Variants in TCF4 observed in about 807,000 individuals in gnomAD.
The protein encoded by TCF4 is SL3-3 enhancer factor 2.
A neutral mutation model predicts 82.1 loss-of-function variants in TCF4; 3 were observed. The observed-to-expected ratio is 0.04, with a 90% confidence interval of 0.02 to 0.09. The LOEUF (loss-of-function observed/expected upper bound fraction) is 0.09. Among genes scored for constraint, TCF4 ranks in the 10% least tolerant of loss-of-function variants. The pLI is 1.00. For synonymous variants in TCF4, 276 were observed against 309.6 expected, an observed-to-expected ratio of 0.89 and a Z score of 1.14; for missense variants, 518 against 852.7, an observed-to-expected ratio of 0.61 and a Z score of 4.89.
intron 2 of TCF4, chr18:55,631,225 T>A (rs2097731301): frequency 3.1e-6 from 2 of 641,290 alleles, no homozygotes; most frequent in Admixed American, 5.1e-5. Flanking sequence ...AATTTCTGTG[T>A]TTTTAGTAGA....
upstream of TCF4, chr18:55,588,606 C>T: frequency 6.7e-7 from 1 of 1,502,596 alleles, no homozygotes; most frequent in Non-Finnish European, 8.9e-7. Context: ...ACTCTCGTTC[C>T]CTCTCACTCA....
intron 2 of TCF4, among the ~76,000 whole-genome samples, chr18:55,615,768 T>TA (rs2097711153): frequency 6.6e-6 from 1 of 152,146 alleles, no homozygotes; most frequent in Non-Finnish European, 1.5e-5. Flanking sequence ...GAATTTTCTT[T>TA]AAAATTTTGG....
intron 1 of TCF4, among the ~76,000 whole-genome samples, chr18:55,634,489 G>A (rs564706201): frequency 6.6e-6 from 1 of 152,054 alleles, no homozygotes; most frequent in African/African-American, 2.4e-5. Flanking sequence ...AAATCTGTCT[G>A]ATTCAAAGTT....
intron 2 of TCF4, among the ~76,000 whole-genome samples, chr18:55,594,924 C>A (rs1209086583): frequency 6.6e-6 from 1 of 152,162 alleles, no homozygotes; most frequent in African/African-American, 2.4e-5. Context: ...TCTGCATGCG[C>A]TGAACTTTAA....
intron 3 of TCF4, among the ~76,000 whole-genome samples, chr18:55,529,494 A>T (rs1337889333): frequency 1.3e-5 from 2 of 152,234 alleles, no homozygotes; most frequent in East Asian, 3.8e-4. Context: ...TGGGGTCTTA[A>T]CCACGATTAT....
chr18:55,399,168 T>G (rs1286334437), intron 6 of TCF4, among the ~76,000 whole-genome samples: 1 of 152,214 alleles, frequency 6.6e-6, no homozygotes, highest in Admixed American at 6.5e-5. Flanking sequence ...ATTAAGTCAT[T>G]TGTAATACCT....
At chr18:55,460,643 T>C (rs1469774461) in intron 5 of TCF4, among the ~76,000 whole-genome samples, 2 of 152,216 alleles carry the variant, frequency 1.3e-5, no homozygotes, top group African/African-American at 4.8e-5. Flanking sequence ...TGACTATATA[T>C]CACTGCCAAC....
intron 5 of TCF4, among the ~76,000 whole-genome samples, chr18:55,408,010 A>G (rs1464256895): frequency 3.3e-5 from 5 of 152,168 alleles, no homozygotes; most frequent in South Asian, 2.1e-4. Context: ...AACCACCTAG[A>G]AAGAGCTAGA....
chr18:55,380,894 G>A lies in TCF4; in HGVS notation c.369+22560C>T, dbSNP rs548623469. Among the ~76,000 whole-genome samples, 6 of 152,310 alleles carry A rather than the reference G, an allele frequency of 3.9e-5. No individual in the cohort carries two copies. The East Asian group carries it at 9.6e-4, about 24-fold the overall frequency. ...GAGCTGGTAGGAAAGTAGCGTTTCA[G>A]AGCTATTCATTTGAATATTAACCCG... On this transcript the variant is annotated intron_variant, in intron 6 of 19. Coordinates refer to ENST00000354452, the MANE Select transcript of TCF4 (RefSeq NM_001083962.2).
At chr18:55,422,347 T>C in intron 5 of TCF4, 1 of 984,890 alleles carries the variant, frequency 1.0e-6, no homozygotes, top group Non-Finnish European at 1.2e-6. Flanking sequence ...TGTCCTAACA[T>C]GTTTTACTAT....
At chr18:55,458,268 G>C (rs1351395529) in intron 5 of TCF4, among the ~76,000 whole-genome samples, 1 of 152,178 alleles carries the variant, frequency 6.6e-6, no homozygotes, top group African/African-American at 2.4e-5. Context: ...TTAAGCCTTT[G>C]AGACAGAAAC....
intron 3 of TCF4, among the ~76,000 whole-genome samples, chr18:55,498,552 A>C (rs1003358227): frequency 6.6e-6 from 1 of 152,188 alleles, no homozygotes; most frequent in Non-Finnish European, 1.5e-5. Context: ...CTACCACAAG[A>C]CTTCGCCATA....
intron 8 of TCF4, among the ~76,000 whole-genome samples, chr18:55,317,680 T>G (rs754356843): frequency 2.0e-5 from 3 of 152,090 alleles, no homozygotes; most frequent in Non-Finnish European, 4.4e-5. Context: ...TTTAAAAAAT[T>G]TAGGTTGCTG....
intron 3 of TCF4, among the ~76,000 whole-genome samples, chr18:55,571,092 T>C (rs887289071): frequency 1.3e-5 from 2 of 152,080 alleles, no homozygotes; most frequent in Admixed American, 6.5e-5. Context: ...TCCACTCATA[T>C]ACCCCACAGA....
intron 5 of TCF4, among the ~76,000 whole-genome samples, chr18:55,410,868 C>G (rs916123210): frequency 1.3e-5 from 2 of 152,150 alleles, no homozygotes; most frequent in African/African-American, 4.8e-5. Flanking sequence ...GAACATCCTA[C>G]AGTCCATCAA....
chr18:55,601,192 A>G (rs1467205331), intron 2 of TCF4, among the ~76,000 whole-genome samples: 1 of 152,236 alleles, frequency 6.6e-6, no homozygotes, highest in African/African-American at 2.4e-5. Context: ...AGCTGTGCTC[A>G]TAATAGCCAA....
intron 6 of TCF4, among the ~76,000 whole-genome samples, chr18:55,390,728 T>C (rs962640042): frequency 1.3e-5 from 2 of 152,156 alleles, no homozygotes; most frequent in African/African-American, 4.8e-5. Context: ...CATAATAAGA[T>C]AAAAACCTGC....
chr18:55,404,052 T>G, intron 5 of TCF4: 2 of 1,124,842 alleles, frequency 1.8e-6, no homozygotes, highest in South Asian at 6.1e-5. Context: ...CCCATCATGA[T>G]CAAGATGATG....
intron 8 of TCF4, among the ~76,000 whole-genome samples, chr18:55,339,247 G>A (rs995867979): frequency 6.6e-6 from 1 of 152,144 alleles, no homozygotes; most frequent in African/African-American, 2.4e-5. Flanking sequence ...AGTGAAATGT[G>A]TGTTTCCTGA....
Sources: allele counts gnomAD v4.1 joint callset (sites outside exome capture counted in the v4.1 genomes callset), GRCh38; gene constraint gnomAD v4.1.1; transcripts MANE v1.5; gene names NCBI Gene and HGNC (gene_info 2026-07-23, HGNC 2026-07-21).